F13A1: variants seen among roughly 807,000 people sequenced by gnomAD.
The protein encoded by F13A1 is coagulation factor XIII A chain.
F13A1 carries 47 observed loss-of-function variants against 80.1 expected under a neutral mutation model. The observed-to-expected ratio is 0.59, with a 90% CI of 0.46 to 0.75. The LOEUF is 0.75. Ranked by LOEUF, F13A1 falls within the 30% of genes least tolerant of loss-of-function variation. The pLI is 0.00. For missense variants in F13A1, 817 were observed against 930.4 expected (o/e 0.88, Z 1.59); for synonymous variants, 349 against 344.9 (o/e 1.01, Z -0.13).
At chr6:6,204,384 A>G (rs1270172210) in intron 8 of F13A1, among the ~76,000 whole-genome samples, 1 of 152,252 alleles carries the variant, frequency 6.6e-6, no homozygotes, top group Non-Finnish European at 1.5e-5. Flanking sequence ...CTTCAACTGT[A>G]AACCAAGGGT....
intron 10 of F13A1, among the ~76,000 whole-genome samples, chr6:6,195,415 C>T (rs1761272248): frequency 6.6e-6 from 1 of 152,196 alleles, no homozygotes; most frequent in South Asian, 2.1e-4. Context: ...GATTGCTGGA[C>T]TAGTCCCAGA....
intron 4 of F13A1, among the ~76,000 whole-genome samples, chr6:6,256,758 T>A (rs1407924045): frequency 3.3e-5 from 5 of 152,166 alleles, no homozygotes; most frequent in Non-Finnish European, 5.9e-5. Context: ...AGTATCTGTA[T>A]AACCTCTTTG....
At chr6:6,159,744 C>T (rs1760539970) in intron 13 of F13A1, among the ~76,000 whole-genome samples, 1 of 152,134 alleles carries the variant, frequency 6.6e-6, no homozygotes, top group African/African-American at 2.4e-5. Context: ...TACAATTCCC[C>T]ACCAATCAGT....
chr6:6,145,738 C>T lies in F13A1; in HGVS notation c.2080G>A (p.Glu694Lys). 3.7e-6 allele frequency: 6 copies of T among 1,614,162 alleles called. No homozygotes were observed. The highest frequency in any genetic ancestry group is 5.1e-6 in the Non-Finnish European group (6 of 1,180,010). ...CCAGAGACCCAGGGCCGGCACACTTCTTCCCACTGCACGGTGGAGTTGGGC... is the reference window on the plus strand; with the variant it reads ...CCAGAGACCCAGGGCCGGCACACTTTTTCCCACTGCACGGTGGAGTTGGGC... Reference protein sequence around the residue: ...IRPNSTVQWEEVCRPWVSGHR... With the variant: ...IRPNSTVQWEKVCRPWVSGHR... Residue 694 changes from glutamate (E) to lysine (K), a missense_variant, in exon 15 of 15, where the codon GAA becomes AAA. Physicochemically the swap from Glu to Lys is moderately conservative, Grantham distance 56. Coordinates refer to ENST00000264870, the MANE Select transcript of F13A1 (RefSeq NM_000129.4).
At chr6:6,301,601 C>T (rs1758432844) in intron 3 of F13A1, among the ~76,000 whole-genome samples, 1 of 152,160 alleles carries the variant, frequency 6.6e-6, no homozygotes. Flanking sequence ...CTATGCTTTT[C>T]CCCCTCTTTT....
intron 3 of F13A1, among the ~76,000 whole-genome samples, chr6:6,267,041 C>T (rs1232921392): frequency 6.6e-6 from 1 of 152,110 alleles, no homozygotes; most frequent in African/African-American, 2.4e-5. Flanking sequence ...TAGAGGATTC[C>T]ACATTAAGAC....
intron 8 of F13A1, chr6:6,206,385 G>C (rs564135013): frequency 2.2e-6 from 1 of 445,406 alleles, no homozygotes; most frequent in African/African-American, 2.0e-5. Context: ...TGATTAACCA[G>C]AACATGATTC....
chr6:6,260,602 G>A (rs1032404052), intron 4 of F13A1, among the ~76,000 whole-genome samples: 19 of 152,176 alleles, frequency 1.2e-4, no homozygotes, highest in African/African-American at 4.3e-4. Flanking sequence ...GTGTTGGGGG[G>A]AGCGGTTCAT....
At chr6:6,272,580 G>T (rs1757936015) in intron 3 of F13A1, among the ~76,000 whole-genome samples, 1 of 152,180 alleles carries the variant, frequency 6.6e-6, no homozygotes, top group Admixed American at 6.5e-5. Flanking sequence ...GTAATAAGAA[G>T]ACTTCTGGCC....
At chr6:6,274,132 G>A (rs1757956805) in intron 3 of F13A1, among the ~76,000 whole-genome samples, 1 of 152,176 alleles carries the variant, frequency 6.6e-6, no homozygotes. Flanking sequence ...GGTAGGGTTG[G>A]GGGGAAACTT....
intron 6 of F13A1, among the ~76,000 whole-genome samples, chr6:6,239,241 T>C (rs865885841): frequency 1.3e-5 from 2 of 152,164 alleles, no homozygotes; most frequent in Non-Finnish European, 2.9e-5. Flanking sequence ...TTCTACTGTG[T>C]GAATCCATTT....
At chr6:6,206,302 TATTA>T in intron 8 of F13A1, 1 of 362,032 alleles carries the variant, frequency 2.8e-6, no homozygotes, top group Non-Finnish European at 5.4e-6. Flanking sequence ...GTGCATACTT[TATTA>T]GTTTCTAATT....
At chr6:6,261,340 G>A (rs553629415) in intron 4 of F13A1, among the ~76,000 whole-genome samples, 326 of 152,126 alleles carry the variant, frequency 2.1e-3, no homozygotes, top group African/African-American at 7.3e-3. Flanking sequence ...GGGCTGCCTC[G>A]AACTCCTGGG....
intron 2 of F13A1, among the ~76,000 whole-genome samples, chr6:6,313,066 C>T (rs1245229910): frequency 2.0e-5 from 3 of 152,118 alleles, no homozygotes; most frequent in African/African-American, 7.2e-5. Flanking sequence ...GTCCATTTTG[C>T]CTAGGAAATG....
chr6:6,222,314 G>A (rs1757207040), intron 7 of F13A1, 143 bp from the exon 8 acceptor site: 3 of 1,154,262 alleles, frequency 2.6e-6, no homozygotes, highest in Middle Eastern at 2.7e-4. Flanking sequence ...GTTCCATGCT[G>A]GAAAAGGGTG....
intron 8 of F13A1, among the ~76,000 whole-genome samples, chr6:6,220,619 G>A (rs1361256195): frequency 6.6e-6 from 1 of 151,920 alleles, no homozygotes. Context: ...TATGGAGAAT[G>A]CCAAATAACT....
At chr6:6,248,825 C>T (rs1371863930) in intron 5 of F13A1, among the ~76,000 whole-genome samples, 2 of 152,166 alleles carry the variant, frequency 1.3e-5, no homozygotes, top group Non-Finnish European at 2.9e-5. Context: ...TGTGAATCCT[C>T]GTGCATTTAG....
Position 6,298,459 on chromosome 6 carries a change from G to T in F13A1, c.319+6892C>A, listed in dbSNP as rs1357430370. ...GTATTGGGTGCATATAAATTTAGGAGAGTTAGCTCTTCTTGTTGAATTGAT... is the reference window on the plus strand; with the variant it reads ...GTATTGGGTGCATATAAATTTAGGATAGTTAGCTCTTCTTGTTGAATTGAT... On this transcript the variant is annotated intron_variant, in intron 3 of 14. Transcript: ENST00000264870. 7.2e-3 allele frequency among the ~76,000 whole-genome samples: 1,030 copies of T among 142,144 alleles called. 11 individuals are homozygous for T. The highest frequency in any genetic ancestry group is 0.023 in the African/African-American group (780 of 33,242). 93.3% of individuals were successfully genotyped at this position (142,144 alleles called of 152,430 possible).
chr6:6,315,941 A>G (rs532323688), intron 2 of F13A1, among the ~76,000 whole-genome samples: 5 of 151,044 alleles, frequency 3.3e-5, no homozygotes, highest in Admixed American at 2.6e-4. Flanking sequence ...TTCGTCCCTT[A>G]GTGACTTGGA....
Sources: gnomAD v4.1 joint callset for allele counts (sites outside exome capture counted in the v4.1 genomes callset) on GRCh38, gnomAD v4.1.1 for gene constraint, MANE v1.5 for transcripts, NCBI Gene and HGNC (gene_info 2026-07-23, HGNC 2026-07-21) for gene names.